The following FANCC variants were observed in gnomAD, a reference collection of about 807,000 sequenced individuals.
FANCC encodes FA complementation group C.
A neutral mutation model predicts 71.3 loss-of-function variants in FANCC; 55 were observed. That is an observed-to-expected ratio of 0.77 (90% CI 0.62 to 0.97). FANCC has a LOEUF of 0.97. Among genes scored for constraint, FANCC ranks in the 50% least tolerant of loss-of-function variants. The pLI, the probability that FANCC is intolerant of heterozygous loss-of-function variation, is 0.00. For missense variants in FANCC, 678 were observed against 670.9 expected (o/e 1.01, Z -0.12); for synonymous variants, 275 against 244.9 (o/e 1.12, Z -1.15).
intron 6 of FANCC, among the ~76,000 whole-genome samples, chr9:95,159,188 C>A (rs1168927301): frequency 6.6e-6 from 1 of 152,160 alleles, no homozygotes; most frequent in South Asian, 2.1e-4. Flanking sequence ...CCCTTGCCCC[C>A]CACTCCACAA....
chr9:95,283,599 C>A (rs1342665483), intron 1 of FANCC, among the ~76,000 whole-genome samples: 2 of 152,152 alleles, frequency 1.3e-5, no homozygotes, highest in African/African-American at 4.8e-5. Context: ...TACAGGCTTA[C>A]CCTAAATTTG....
At chr9:95,173,245 A>G (rs572221572) in intron 4 of FANCC, among the ~76,000 whole-genome samples, 7 of 152,286 alleles carry the variant, frequency 4.6e-5, no homozygotes, top group African/African-American at 1.7e-4. Flanking sequence ...AGGGTCTTCC[A>G]TACAGAGTGC....
chr9:95,140,768 A>G (rs1309344931), intron 7 of FANCC, among the ~76,000 whole-genome samples: 1 of 152,214 alleles, frequency 6.6e-6, no homozygotes, highest in East Asian at 1.9e-4. Flanking sequence ...GTTTGATCCT[A>G]AAGTTGTATT....
intron 4 of FANCC, among the ~76,000 whole-genome samples, chr9:95,185,771 C>G (rs530977360): frequency 2.0e-5 from 3 of 152,270 alleles, no homozygotes; most frequent in African/African-American, 7.2e-5. Context: ...GAACAATTCC[C>G]ATCTGCAGGA....
intron 14 of FANCC, among the ~76,000 whole-genome samples, chr9:95,104,299 G>A (rs1444395412): frequency 6.6e-6 from 1 of 152,236 alleles, no homozygotes; most frequent in Non-Finnish European, 1.5e-5. Flanking sequence ...CTTTCACCAC[G>A]ATGGGTGCCC....
chr9:95,313,938 T>A (rs1835575046), intron 1 of FANCC, among the ~76,000 whole-genome samples: 1 of 152,206 alleles, frequency 6.6e-6, no homozygotes, highest in African/African-American at 2.4e-5. Context: ...TCTCTCAACC[T>A]GATAAAGTGC....
chr9:95,111,205 C>G (rs771580723), intron 13 of FANCC: 19 of 1,536,280 alleles, frequency 1.2e-5, no homozygotes, highest in South Asian at 5.9e-5. Flanking sequence ...ATCAAATGAC[C>G]TTGGGGAAGA....
intron 4 of FANCC, among the ~76,000 whole-genome samples, chr9:95,208,305 C>G (rs1242212333): frequency 2.0e-5 from 3 of 151,762 alleles, no homozygotes; most frequent in African/African-American, 7.3e-5. Flanking sequence ...CCATGTTGGT[C>G]AGGCTGGTCT....
At chr9:95,173,570 A>T (rs1209555712) in intron 4 of FANCC, among the ~76,000 whole-genome samples, 3 of 152,246 alleles carry the variant, frequency 2.0e-5, no homozygotes, top group African/African-American at 7.2e-5. Context: ...ATTGTCTAAC[A>T]GCAGAGAATG....
intron 1 of FANCC, among the ~76,000 whole-genome samples, chr9:95,284,233 G>A (rs1337064058): frequency 6.6e-6 from 1 of 152,194 alleles, no homozygotes; most frequent in African/African-American, 2.4e-5. Flanking sequence ...TGAACGGGCT[G>A]TGCATCACAC....
At chr9:95,165,480 T>C (rs950241650) in intron 6 of FANCC, among the ~76,000 whole-genome samples, 1 of 152,084 alleles carries the variant, frequency 6.6e-6, no homozygotes, top group East Asian at 1.9e-4. Flanking sequence ...GGTTGTGATA[T>C]GTTGGGTTTT....
chr9:95,249,759 T>G (rs982707982), intron 1 of FANCC, among the ~76,000 whole-genome samples: 1 of 152,254 alleles, frequency 6.6e-6, no homozygotes, highest in Non-Finnish European at 1.5e-5. Flanking sequence ...TAATAGTCTG[T>G]GCCTAAGAAA....
At chr9:95,251,943 T>C (rs1831354987) in intron 1 of FANCC, among the ~76,000 whole-genome samples, 1 of 152,162 alleles carries the variant, frequency 6.6e-6, no homozygotes, top group African/African-American at 2.4e-5. Context: ...TTGTGGAATA[T>C]GAATCCAGGG....
chr9:95,207,249 A>G (rs755863923), intron 4 of FANCC, among the ~76,000 whole-genome samples: 2 of 152,206 alleles, frequency 1.3e-5, no homozygotes, highest in African/African-American at 2.4e-5. Context: ...AAAAGGAAAG[A>G]AACCATAAAG....
In FANCC at chr9:95,100,648, T is replaced by A. The variant is rs1044866059; in HGVS notation, c.*1059A>T. On this transcript the variant is annotated 3_prime_UTR_variant, in exon 15 of 15. Transcript: ENST00000289081. ...AGATTACACTAACAATGCCTTTTTT[T>A]AAGAGATGGTCTCGCTCTGTTGCCC... 4.4e-6 allele frequency: 1 copy of A among 229,670 alleles called. No individual in the cohort carries two copies. Among genetic ancestry groups the A allele is most frequent in the Non-Finnish European group, 8.6e-6 (1 of 115,840 alleles). 14.2% of individuals were successfully genotyped at this position (229,670 alleles called of 1,614,324 possible). A position where few individuals can be genotyped will look rare whatever the true frequency, so the allele number is the denominator to read the frequency against.
At chr9:95,185,691 C>T (rs1022541150) in intron 4 of FANCC, among the ~76,000 whole-genome samples, 2 of 152,246 alleles carry the variant, frequency 1.3e-5, no homozygotes, top group Non-Finnish European at 2.9e-5. Context: ...AGTATTTAAA[C>T]TGTTCAATGA....
At chr9:95,291,777 A>G (rs1041894632) in intron 1 of FANCC, among the ~76,000 whole-genome samples, 31 of 151,588 alleles carry the variant, frequency 2.0e-4, no homozygotes, top group African/African-American at 7.3e-4. Context: ...GCGAAACCCC[A>G]TCTCTACTAA....
rs574819515 is a variant in FANCC at position 95,308,275 on chromosome 9, T to C, written c.-79+9251A>G. ...TTCTTTTTTTTTTGAGATAGGGTCT[T>C]GCTCTGTCACCCAGGCTGGAGTGCA... is the stretch of plus-strand genomic sequence containing the variant. On this transcript the variant is annotated intron_variant, in intron 1 of 14. Coordinates refer to ENST00000289081, the MANE Select transcript of FANCC (RefSeq NM_000136.3). Among the ~76,000 whole-genome samples the C allele has an allele frequency of 2.6e-5, 4 of 152,158 alleles. No homozygotes were observed. The East Asian group carries it at 7.7e-4, about 29-fold the overall frequency.
intron 4 of FANCC, among the ~76,000 whole-genome samples, chr9:95,227,409 A>C (rs1227416729): frequency 6.6e-6 from 1 of 152,164 alleles, no homozygotes. Flanking sequence ...CCACAGACAC[A>C]AGCTACATTC....
Sources: gnomAD v4.1 joint callset for allele counts (sites outside exome capture counted in the v4.1 genomes callset) on GRCh38, gnomAD v4.1.1 for gene constraint, MANE v1.5 for transcripts, NCBI Gene and HGNC (gene_info 2026-07-23, HGNC 2026-07-21) for gene names.